The following ATRNL1 variants were observed in gnomAD, a reference collection of about 807,000 sequenced individuals.
ATRNL1 encodes attractin like 1, also known as attractin-like protein 1.
Under a neutral mutation model 182.7 loss-of-function variants are expected in ATRNL1, and 95 were observed. The ratio of observed to expected loss-of-function variants is 0.52; its 90% CI spans 0.44 to 0.62. The LOEUF is 0.62. Among genes scored for constraint, ATRNL1 ranks in the 20% least tolerant of loss-of-function variants. The pLI is 0.00. For missense variants in ATRNL1, 1,471 were observed against 1,679.5 expected (o/e 0.88, Z 2.17); for synonymous variants, 576 against 568.3 (o/e 1.01, Z -0.19).
At chr10:115,167,472 G>T (rs1847099340) in intron 7 of ATRNL1, among the ~76,000 whole-genome samples, 1 of 151,980 alleles carries the variant, frequency 6.6e-6, no homozygotes, top group African/African-American at 2.4e-5. Flanking sequence ...ATTGACATTA[G>T]TTATTTTTAT....
intron 18 of ATRNL1, among the ~76,000 whole-genome samples, chr10:115,326,312 C>G (rs1554933204): frequency 6.6e-6 from 1 of 152,106 alleles, no homozygotes; most frequent in African/African-American, 2.4e-5. Flanking sequence ...AGAGCCAAAT[C>G]ATGAGTGAAC....
In ATRNL1 at chr10:115,758,316, T is replaced by C. The variant is rs542514352; in HGVS notation, c.3903+30961T>C. ...TCATGGATTTTTCTACCTTTGGTCT[T>C]TGATGTTGGTGATGTTGATACTATT... On this transcript the variant is annotated intron_variant, in intron 27 of 28. Coordinates refer to ENST00000355044, the MANE Select transcript of ATRNL1 (RefSeq NM_207303.4). Among the ~76,000 whole-genome samples the C allele has an allele frequency of 1.5e-4, 22 of 150,702 alleles. No individual in the cohort carries two copies. In the South Asian group the frequency reaches 4.2e-3, roughly 29 times the overall value.
chr10:115,777,008 A>C (rs1949144105), intron 27 of ATRNL1, among the ~76,000 whole-genome samples: 1 of 152,180 alleles, frequency 6.6e-6, no homozygotes, highest in East Asian at 1.9e-4. Context: ...GAAGGTTTTA[A>C]GGATGAAATG....
chr10:115,728,481 C>G (rs1283044092), intron 27 of ATRNL1, among the ~76,000 whole-genome samples: 1 of 151,788 alleles, frequency 6.6e-6, no homozygotes, highest in Non-Finnish European at 1.5e-5. Context: ...ATTTTATTCT[C>G]TTTTTTAAAA....
chr10:115,148,121 T>G (rs931714123), intron 5 of ATRNL1, among the ~76,000 whole-genome samples: 1 of 152,182 alleles, frequency 6.6e-6, no homozygotes, highest in Non-Finnish European at 1.5e-5. Flanking sequence ...CCTCTTCAAT[T>G]TCTTTCTTCT....
chr10:115,735,587 T>G (rs574465907), intron 27 of ATRNL1, among the ~76,000 whole-genome samples: 6 of 152,244 alleles, frequency 3.9e-5, no homozygotes, highest in African/African-American at 1.4e-4. Context: ...ATTAATAACT[T>G]GCCAGCATCA....
At position 115,847,892 on chromosome 10, in the gene ATRNL1, A is replaced by G. The variant is rs782475473; in HGVS notation, c.3919A>G (p.Ile1307Val). 5.6e-6 allele frequency: 9 copies of G among 1,609,864 alleles called. No homozygotes were observed. Among genetic ancestry groups the G allele is most frequent in the South Asian group, 4.4e-5 (4 of 90,946 alleles). ...TCTTTTTCAGGGGGCACCCAAGCCA[A>G]TTGCCATTGAACCATGTGCTGGGAA... Reference protein sequence around the residue: ...RGPLEGAPKPIAIEPCAGNRA... With the variant: ...RGPLEGAPKPVAIEPCAGNRA... The change falls in exon 28 of 29, where the codon ATT (isoleucine) becomes GTT (valine). Residue 1307 changes from isoleucine to valine, a missense_variant. Physicochemically the swap from Ile to Val is conservative, Grantham distance 29. This residue lies in a region of ATRNL1 where 437 missense variants were observed against 506.0 expected (regional missense o/e 0.86). Transcript: ENST00000355044.
At chr10:115,294,528 C>T (rs1853083504) in intron 15 of ATRNL1, among the ~76,000 whole-genome samples, 1 of 152,034 alleles carries the variant, frequency 6.6e-6, no homozygotes. Context: ...CTGTATTCTC[C>T]TATATCTCAC....
At chr10:115,224,636 G>A (rs2144479396) in intron 9 of ATRNL1, among the ~76,000 whole-genome samples, 1 of 149,284 alleles carries the variant, frequency 6.7e-6, no homozygotes, top group African/African-American at 2.4e-5. Context: ...TCCATGCCAA[G>A]AATGAAAAGG....
chr10:115,515,464 A>G (rs1850591241), intron 24 of ATRNL1, among the ~76,000 whole-genome samples: 1 of 151,638 alleles, frequency 6.6e-6, no homozygotes. Flanking sequence ...TAAGTAGTTA[A>G]GCTTGTTTTG....
At chr10:115,222,857 A>G (rs1849522827) in intron 9 of ATRNL1, among the ~76,000 whole-genome samples, 1 of 152,214 alleles carries the variant, frequency 6.6e-6, no homozygotes, top group East Asian at 1.9e-4. Flanking sequence ...ATGTAATGAA[A>G]TTATAGAGAT....
intron 19 of ATRNL1, among the ~76,000 whole-genome samples, chr10:115,353,918 A>G (rs1446470248): frequency 1.3e-5 from 2 of 152,158 alleles, no homozygotes; most frequent in East Asian, 1.9e-4. Context: ...TGTTGTCTCT[A>G]TATCTTTTCA....
intron 8 of ATRNL1, among the ~76,000 whole-genome samples, chr10:115,188,287 T>C (rs533768498): frequency 6.6e-6 from 1 of 152,246 alleles, no homozygotes; most frequent in Admixed American, 6.5e-5. Flanking sequence ...GTGGAATATA[T>C]GTTTAACTGA....
Position 115,419,606 on chromosome 10 carries a change from A to G in ATRNL1, c.3270-6644A>G, listed in dbSNP as rs529835206. Among the ~76,000 whole-genome samples the G allele has an allele frequency of 1.3e-5, 2 of 152,338 alleles. 1 individual carries two copies. Among genetic ancestry groups the G allele is most frequent in the South Asian group, 4.1e-4 (2 of 4,832 alleles). On this transcript the variant is annotated intron_variant, in intron 20 of 28. Coordinates refer to ENST00000355044, the MANE Select transcript of ATRNL1 (RefSeq NM_207303.4). Reference sequence around the variant, plus strand: ...AGCTATTTCATGGAAATGGAACCCCAAAAAGAACAGAAGTAGCTGTAATTA... The same window carrying G: ...AGCTATTTCATGGAAATGGAACCCCGAAAAGAACAGAAGTAGCTGTAATTA...
chr10:115,443,386 T>C (rs1331910671), intron 21 of ATRNL1, among the ~76,000 whole-genome samples: 2 of 152,056 alleles, frequency 1.3e-5, no homozygotes, highest in African/African-American at 4.8e-5. Flanking sequence ...CTCTTAAAAA[T>C]AGAAGACTTT....
chr10:115,502,024 T>C (rs1244523787), intron 24 of ATRNL1, among the ~76,000 whole-genome samples: 1 of 152,138 alleles, frequency 6.6e-6, no homozygotes, highest in African/African-American at 2.4e-5. Flanking sequence ...ACAAAAGTTT[T>C]AAGATAGCCA....
At chr10:115,504,356 T>C (rs888307657) in intron 24 of ATRNL1, among the ~76,000 whole-genome samples, 2 of 152,186 alleles carry the variant, frequency 1.3e-5, no homozygotes, top group South Asian at 4.1e-4. Context: ...TAGTTTAGCT[T>C]TGAATCAAAG....
chr10:115,723,634 C>T (rs1947503428), intron 26 of ATRNL1, among the ~76,000 whole-genome samples: 1 of 151,836 alleles, frequency 6.6e-6, no homozygotes, highest in Admixed American at 6.6e-5. Flanking sequence ...CTGCAACCTC[C>T]ACCTCCCGGG....
At chr10:115,768,281 CT>C (rs1158397651) in intron 27 of ATRNL1, among the ~76,000 whole-genome samples, 1 of 151,958 alleles carries the variant, frequency 6.6e-6, no homozygotes, top group Non-Finnish European at 1.5e-5. Context: ...TACATGGTGG[CT>C]TTTTTATTAC....
Sources: gnomAD v4.1 joint callset for allele counts (sites outside exome capture counted in the v4.1 genomes callset) on GRCh38, gnomAD v4.1.1 for gene constraint, gnomAD v4.1.1 regional missense constraint, MANE v1.5 for transcripts, NCBI Gene and HGNC (gene_info 2026-07-23, HGNC 2026-07-21) for gene names.